ATP8B4: variants seen among roughly 807,000 people sequenced by gnomAD.
ATP8B4 encodes ATPase phospholipid transporting 8B4 (putative).
In ATP8B4, 133 loss-of-function variants were observed where a neutral mutation model predicts 145.6. The observed-to-expected ratio is 0.91, with a 90% confidence interval of 0.79 to 1.05. The LOEUF (loss-of-function observed/expected upper bound fraction) is 1.05, where lower values mean the gene tolerates loss of function less well. Ranked by LOEUF, ATP8B4 falls within the 50% of genes least tolerant of loss-of-function variation. The probability of loss-of-function intolerance (pLI) is 0.00; values close to 1 mark genes in which losing one functional copy is unlikely to be tolerated. For synonymous variants in ATP8B4, 507 were observed against 492.9 expected (o/e 1.03, Z -0.38); for missense variants, 1,458 against 1,425.2 (o/e 1.02, Z -0.37).
At chr15:49,942,252 CAAAA>C (rs575876747) in intron 14 of ATP8B4, among the ~76,000 whole-genome samples, 8 of 150,804 alleles carry the variant, frequency 5.3e-5, no homozygotes, top group Non-Finnish European at 1.2e-4. Flanking sequence ...AATGATACTA[CAAAA>C]AAAAGTAATG....
At position 49,866,426 on chromosome 15, in the gene ATP8B4, A is replaced by C; in HGVS notation, c.3086T>G (p.Ile1029Ser). The change falls in exon 26 of 28, where the codon ATT (isoleucine) becomes AGT (serine). Residue 1029 changes from isoleucine to serine, a missense_variant. Ile to Ser is a moderately radical substitution (Grantham distance 142). Coordinates refer to ENST00000284509, the MANE Select transcript of ATP8B4 (RefSeq NM_024837.4). Reference sequence around the variant, plus strand: ...AAATAAAATGGAGAAATAAATGGCAATGCTCCCCCAGATGAAGACGTGATT... The same window carrying C: ...AAATAAAATGGAGAAATAAATGGCACTGCTCCCCCAGATGAAGACGTGATT... ...FINHVFIWGS[I>S]AIYFSILFTM... 6.2e-7 allele frequency: 1 copy of C among 1,613,634 alleles called. No homozygotes were observed. Among genetic ancestry groups the C allele is most frequent in the Non-Finnish European group, 8.5e-7 (1 of 1,179,518 alleles).
intron 1 of ATP8B4, among the ~76,000 whole-genome samples, chr15:50,166,129 C>T (rs1595663816): frequency 6.6e-6 from 1 of 152,088 alleles, no homozygotes; most frequent in African/African-American, 2.4e-5. Context: ...AGAGTGATAT[C>T]TTGAAAGTAC....
At chr15:50,117,275 C>T (rs2057184226) in intron 1 of ATP8B4, among the ~76,000 whole-genome samples, 1 of 152,124 alleles carries the variant, frequency 6.6e-6, no homozygotes. Context: ...GTCTCGAACT[C>T]CTGACCTCAA....
chr15:50,157,786 G>C (rs908747858), intron 1 of ATP8B4, among the ~76,000 whole-genome samples: 1 of 151,824 alleles, frequency 6.6e-6, no homozygotes, highest in Admixed American at 6.6e-5. Context: ...CTCTCTCCAC[G>C]GTCTCCCTCT....
chr15:50,002,943 A>G (rs1024764290), intron 7 of ATP8B4, among the ~76,000 whole-genome samples: 1 of 152,212 alleles, frequency 6.6e-6, no homozygotes, highest in African/African-American at 2.4e-5. Context: ...GCATCCTGGT[A>G]GCTCTCTAAA....
intron 3 of ATP8B4, among the ~76,000 whole-genome samples, chr15:50,050,265 A>T (rs2052075667): frequency 6.6e-6 from 1 of 152,208 alleles, no homozygotes; most frequent in Admixed American, 6.5e-5. Flanking sequence ...TATAGTAAGG[A>T]CTTTGATGTC....
intron 12 of ATP8B4, among the ~76,000 whole-genome samples, chr15:49,974,293 G>C (rs28756960): frequency 6.6e-6 from 1 of 151,466 alleles, no homozygotes; most frequent in Non-Finnish European, 1.5e-5. Flanking sequence ...ACTACTACTC[G>C]AACTACTTGA....
intron 1 of ATP8B4, among the ~76,000 whole-genome samples, chr15:50,135,752 G>A (rs11070750): frequency 0.32 from 48,954 of 152,026 alleles, 9,180 homozygotes; most frequent in Middle Eastern, 0.49. Flanking sequence ...TACCTATGCC[G>A]TTGAAGCAGA....
At chr15:49,900,010 G>T (rs1212181355) in intron 21 of ATP8B4, among the ~76,000 whole-genome samples, 1 of 152,170 alleles carries the variant, frequency 6.6e-6, no homozygotes, top group Non-Finnish European at 1.5e-5. Flanking sequence ...GAAAGTCAAA[G>T]TATAACTCAT....
intron 6 of ATP8B4, among the ~76,000 whole-genome samples, chr15:50,034,864 T>C (rs999486120): frequency 2.0e-5 from 3 of 152,300 alleles, no homozygotes; most frequent in South Asian, 2.1e-4. Flanking sequence ...ATAGTTAGCA[T>C]GACTTGAGGA....
At chr15:49,984,242 T>G (rs1430687067) in intron 10 of ATP8B4, among the ~76,000 whole-genome samples, 1 of 152,152 alleles carries the variant, frequency 6.6e-6, no homozygotes, top group Non-Finnish European at 1.5e-5. Context: ...AACCTCGACA[T>G]AAGTAATTCT....
chr15:50,141,649 G>A (rs914192140), intron 1 of ATP8B4, among the ~76,000 whole-genome samples: 1 of 152,098 alleles, frequency 6.6e-6, no homozygotes, highest in Non-Finnish European at 1.5e-5. Context: ...ACTTGTGAAG[G>A]AGCCGCACTG....
chr15:49,929,432 A>G (rs904995560), intron 16 of ATP8B4, among the ~76,000 whole-genome samples: 17 of 152,142 alleles, frequency 1.1e-4, no homozygotes, highest in African/African-American at 4.1e-4. Context: ...AGAAAGAACT[A>G]TAGTTGTGAG....
At chr15:50,081,447 A>AT (rs1567322086) in intron 2 of ATP8B4, among the ~76,000 whole-genome samples, 1 of 152,180 alleles carries the variant, frequency 6.6e-6, no homozygotes, top group Non-Finnish European at 1.5e-5. Flanking sequence ...TCTTGAAGTA[A>AT]TTTTTTTAAT....
chr15:50,014,713 A>G (rs949907253), intron 6 of ATP8B4, among the ~76,000 whole-genome samples: 3 of 152,222 alleles, frequency 2.0e-5, no homozygotes, highest in Non-Finnish European at 4.4e-5. Flanking sequence ...AGAGTCTTAT[A>G]TTTTAATTTG....
chr15:49,982,748 A>G (rs2153536737), intron 10 of ATP8B4, among the ~76,000 whole-genome samples: 1 of 152,290 alleles, frequency 6.6e-6, no homozygotes, highest in African/African-American at 2.4e-5. Flanking sequence ...GTTTATATGC[A>G]CATCCTGAAA....
intron 2 of ATP8B4, among the ~76,000 whole-genome samples, chr15:50,100,621 G>A (rs2056293979): frequency 1.3e-5 from 2 of 152,170 alleles, no homozygotes; most frequent in African/African-American, 4.8e-5. Context: ...AGAAACTGAT[G>A]TCATCTAAAG....
intron 3 of ATP8B4, among the ~76,000 whole-genome samples, chr15:50,049,463 CT>C (rs1259774603): frequency 6.6e-6 from 1 of 152,206 alleles, no homozygotes; most frequent in African/African-American, 2.4e-5. Flanking sequence ...ACCCATGCTG[CT>C]GCAAAGGACA....
At chr15:50,055,060 A>G (rs2052501621) in intron 3 of ATP8B4, among the ~76,000 whole-genome samples, 1 of 152,160 alleles carries the variant, frequency 6.6e-6, no homozygotes, top group African/African-American at 2.4e-5. Flanking sequence ...CAATTCTGAA[A>G]TTTGCTGATA....
Sources: gnomAD v4.1 joint callset for allele counts (sites outside exome capture counted in the v4.1 genomes callset) on GRCh38, gnomAD v4.1.1 for gene constraint, MANE v1.5 for transcripts, NCBI Gene and HGNC (gene_info 2026-07-23, HGNC 2026-07-21) for gene names.